The following LRP1B variants were observed in gnomAD, a reference collection of about 807,000 sequenced individuals.
LRP1B encodes low-density lipoprotein receptor-related protein 1B.
LRP1B carries 217 observed loss-of-function variants against 556.6 expected under a neutral mutation model. The observed-to-expected ratio is 0.39, with a 90% confidence interval of 0.35 to 0.44. The LOEUF (loss-of-function observed/expected upper bound fraction) is 0.44. LRP1B is among the 20% of genes least tolerant of loss of function. The pLI, the probability that LRP1B is intolerant of heterozygous loss-of-function variation, is 1.00. For synonymous variants in LRP1B, 2,047 were observed against 1,865.8 expected (o/e 1.10, Z -2.50); for missense variants, 5,053 against 5,620.8 (o/e 0.90, Z 3.23).
At chr2:140,631,179 G>A (rs1433365202) in intron 41 of LRP1B, among the ~76,000 whole-genome samples, 1 of 152,064 alleles carries the variant, frequency 6.6e-6, no homozygotes, top group Non-Finnish European at 1.5e-5. Context: ...CTCCTTGCCA[G>A]GTTAACATAA....
At chr2:141,276,223 C>T (rs1356821926) in intron 3 of LRP1B, among the ~76,000 whole-genome samples, 1 of 152,142 alleles carries the variant, frequency 6.6e-6, no homozygotes, top group Non-Finnish European at 1.5e-5. Flanking sequence ...ACATAACTAT[C>T]TTCACTTCCT....
chr2:141,261,322 CTTT>C (rs1462526029), intron 3 of LRP1B, among the ~76,000 whole-genome samples: 1 of 152,110 alleles, frequency 6.6e-6, no homozygotes, highest in East Asian at 1.9e-4. Context: ...CGAGGCAATG[CTTT>C]TTTATTGCAT....
intron 2 of LRP1B, among the ~76,000 whole-genome samples, chr2:141,793,823 C>T (rs1467984696): frequency 2.0e-5 from 3 of 151,580 alleles, no homozygotes; most frequent in Non-Finnish European, 3.0e-5. Flanking sequence ...AATGCATTTC[C>T]CTTCTTTTTT....
At chr2:140,552,666 T>C (rs936292072) in intron 43 of LRP1B, among the ~76,000 whole-genome samples, 2 of 152,152 alleles carry the variant, frequency 1.3e-5, no homozygotes, top group African/African-American at 2.4e-5. Flanking sequence ...CGCAGAAGCC[T>C]TGTCATCACA....
At chr2:140,722,451 C>T (rs924935808) in intron 35 of LRP1B, among the ~76,000 whole-genome samples, 9 of 152,128 alleles carry the variant, frequency 5.9e-5, no homozygotes, top group Non-Finnish European at 1.2e-4. Context: ...AATCTAGAAT[C>T]TATACTTTTT....
chr2:141,266,509 A>G (rs530569646), intron 3 of LRP1B, among the ~76,000 whole-genome samples: 5 of 149,716 alleles, frequency 3.3e-5, no homozygotes, highest in Non-Finnish European at 7.5e-5. Flanking sequence ...ATTAAACAAA[A>G]AACCAAAGTA....
At chr2:141,697,651 T>A (rs563593197) in intron 2 of LRP1B, among the ~76,000 whole-genome samples, 2 of 151,910 alleles carry the variant, frequency 1.3e-5, no homozygotes, top group Non-Finnish European at 2.9e-5. Context: ...CCCATAAGCC[T>A]CTTTGGTAAT....
At chr2:140,386,577 G>A (rs879670481) in intron 66 of LRP1B, among the ~76,000 whole-genome samples, 1 of 152,136 alleles carries the variant, frequency 6.6e-6, no homozygotes, top group Non-Finnish European at 1.5e-5. Context: ...CATTAATTAT[G>A]TTCCATCTCA....
At chr2:141,126,370 T>G (rs920017298) in intron 7 of LRP1B, among the ~76,000 whole-genome samples, 2 of 152,156 alleles carry the variant, frequency 1.3e-5, no homozygotes, top group Non-Finnish European at 2.9e-5. Flanking sequence ...GCTACTCTTC[T>G]TCCTCGCCAT....
At chr2:141,651,759 A>T (rs940719761) in intron 2 of LRP1B, among the ~76,000 whole-genome samples, 3 of 152,192 alleles carry the variant, frequency 2.0e-5, no homozygotes, top group African/African-American at 7.2e-5. Flanking sequence ...TTGAATTTTT[A>T]TTTGCTAAAT....
chr2:141,961,003 G>A (rs1221961670), intron 1 of LRP1B, among the ~76,000 whole-genome samples: 1 of 151,600 alleles, frequency 6.6e-6, no homozygotes, highest in South Asian at 2.1e-4. Context: ...AAGCTGTTCT[G>A]AAGTGAAAAT....
intron 3 of LRP1B, among the ~76,000 whole-genome samples, chr2:141,291,890 ACTT>A (rs1380986653): frequency 4.4e-5 from 6 of 137,518 alleles, no homozygotes; most frequent in Non-Finnish European, 7.8e-5. Flanking sequence ...AAAAAAAAAA[ACTT>A]GTTTGGGGTT....
At chr2:140,486,159 T>C (rs1688462593) in intron 58 of LRP1B, among the ~76,000 whole-genome samples, 1 of 152,090 alleles carries the variant, frequency 6.6e-6, no homozygotes, top group South Asian at 2.1e-4. Flanking sequence ...CAATTTTTGA[T>C]CTATATCGCT....
chr2:141,637,337 T>C (rs1689138993), intron 2 of LRP1B, among the ~76,000 whole-genome samples: 1 of 152,218 alleles, frequency 6.6e-6, no homozygotes, highest in South Asian at 2.1e-4. Flanking sequence ...TACTGGGTTC[T>C]TGGGGGCATA....
Position 141,062,084 on chromosome 2 carries a change from T to A in LRP1B, c.1203A>T (p.Gly401=). Residue 401 remains glycine (G), a synonymous_variant, in exon 8 of 91, where the codon GGA becomes GGT. Transcript: ENST00000389484. ...CTTGAATGACAGTGTGTCTATTTTT[T>A]CCTTGATAGTCCACTACTCCCACAT... ...LDYVGVVDYQ[G]KNRHTVIQGR... The A allele has an allele frequency of 1.2e-6, 2 of 1,611,996 alleles. No individual in the cohort carries two copies. Among genetic ancestry groups the A allele is most frequent in the Non-Finnish European group, 1.7e-6 (2 of 1,178,614 alleles).
intron 1 of LRP1B, among the ~76,000 whole-genome samples, chr2:142,020,688 T>C (rs1241593075): frequency 6.6e-6 from 1 of 151,958 alleles, no homozygotes; most frequent in East Asian, 1.9e-4. Flanking sequence ...AGCTTGTGTA[T>C]GAAATAGAGT....
intron 2 of LRP1B, among the ~76,000 whole-genome samples, chr2:141,665,256 A>G (rs1332511972): frequency 6.6e-6 from 1 of 152,212 alleles, no homozygotes; most frequent in African/African-American, 2.4e-5. Flanking sequence ...ACACCCTATT[A>G]AAATGTGGTC....
At chr2:141,794,043 T>C (rs757974717) in intron 2 of LRP1B, among the ~76,000 whole-genome samples, 7 of 151,922 alleles carry the variant, frequency 4.6e-5, no homozygotes, top group African/African-American at 1.7e-4. Flanking sequence ...AGCAAGCATA[T>C]TATTAATACT....
chr2:141,132,003 A>G (rs2105029273), intron 7 of LRP1B, among the ~76,000 whole-genome samples: 1 of 152,114 alleles, frequency 6.6e-6, no homozygotes, highest in East Asian at 1.9e-4. Flanking sequence ...CTCTTGCCCC[A>G]GAGCCTCCAG....
Sources: allele counts gnomAD v4.1 joint callset (sites outside exome capture counted in the v4.1 genomes callset), GRCh38; gene constraint gnomAD v4.1.1; transcripts MANE v1.5; gene names NCBI Gene and HGNC (gene_info 2026-07-23, HGNC 2026-07-21).